ATP2B4: variants seen among roughly 807,000 people sequenced by gnomAD.
ATP2B4 encodes plasma membrane calcium-transporting ATPase 4.
In ATP2B4, 39 loss-of-function variants were observed where a neutral mutation model predicts 110.3. The observed-to-expected ratio is 0.35, with a 90% confidence interval of 0.27 to 0.46. The LOEUF (loss-of-function observed/expected upper bound fraction) is 0.46, where lower values mean the gene tolerates loss of function less well. Ranked by LOEUF, ATP2B4 falls within the 20% of genes least tolerant of loss-of-function variation. The pLI is 1.00. For synonymous variants in ATP2B4, 538 were observed against 571.7 expected (o/e 0.94, Z 0.84); for missense variants, 1,135 against 1,530.9 (o/e 0.74, Z 4.32).
At position 203,722,464 on chromosome 1, in the gene ATP2B4, C is replaced by T. The variant is rs1412209129; in HGVS notation, c.2813-14C>T. 1 of 1,595,022 alleles carries T rather than the reference C, an allele frequency of 6.3e-7. No individual in the cohort carries two copies. Among genetic ancestry groups the T allele is most frequent in the Non-Finnish European group, 8.6e-7 (1 of 1,162,672 alleles). The stretch of plus-strand genomic sequence containing the variant: ...ACCACACTTAACCTCCAGTGCTTCT[C>T]CTCTCCCCACTAGGTGAGAAATTCT... On this transcript the variant is annotated splice_polypyrimidine_tract_variant and intron_variant, in intron 17 of 20. Transcript: ENST00000357681.
At chr1:203,681,010 A>G (rs1664995409) in intron 1 of ATP2B4, among the ~76,000 whole-genome samples, 3 of 152,192 alleles carry the variant, frequency 2.0e-5, no homozygotes, top group Admixed American at 6.5e-5. Flanking sequence ...TTGGAGGAGA[A>G]GCTGAACTGG....
Position 203,701,179 on chromosome 1 carries a change from A to G in ATP2B4, c.901+256A>G, listed in dbSNP as rs1665681085. Among the ~76,000 whole-genome samples the G allele has an allele frequency of 2.0e-5, 3 of 151,812 alleles. No individual in the cohort carries two copies. The South Asian group carries it at 6.2e-4, about 32-fold the overall frequency. On this transcript the variant is annotated intron_variant, in intron 6 of 20. Coordinates refer to ENST00000357681, the MANE Select transcript of ATP2B4 (RefSeq NM_001684.5). ...ATTTTTATGTCTAATGGTAGCTTGT[A>G]AAGGGATGAGTTATAAAGCCTGCCC...
chr1:203,717,386 A>G (rs1338000015), intron 15 of ATP2B4, among the ~76,000 whole-genome samples: 1 of 151,854 alleles, frequency 6.6e-6, no homozygotes, highest in African/African-American at 2.4e-5. Context: ...GAATTCATAG[A>G]TTTAAGTATA....
chr1:203,647,694 G>A (rs1460667902), intron 1 of ATP2B4, among the ~76,000 whole-genome samples: 5 of 152,124 alleles, frequency 3.3e-5, no homozygotes, highest in Non-Finnish European at 7.3e-5. Flanking sequence ...AGGAGGTTGA[G>A]GCTGCAGAGA....
intron 1 of ATP2B4, among the ~76,000 whole-genome samples, chr1:203,659,953 G>T (rs1664282845): frequency 6.6e-6 from 1 of 152,020 alleles, no homozygotes; most frequent in Non-Finnish European, 1.5e-5. Context: ...GTGGTGGCAG[G>T]TGCCTGTAAT....
intron 15 of ATP2B4, among the ~76,000 whole-genome samples, chr1:203,716,684 T>A (rs536209360): frequency 6.9e-6 from 1 of 144,890 alleles, no homozygotes; most frequent in East Asian, 2.1e-4. Flanking sequence ...AGCAACTTAG[T>A]TTTGAAGGAA....
intron 1 of ATP2B4, among the ~76,000 whole-genome samples, chr1:203,675,465 C>T (rs1558028166): frequency 6.6e-6 from 1 of 152,110 alleles, no homozygotes; most frequent in African/African-American, 2.4e-5. Flanking sequence ...CCCCTCCAGG[C>T]CCTGGATGAG....
chr1:203,728,152 A>C (rs1429130166), intron 20 of ATP2B4: 2 of 463,886 alleles, frequency 4.3e-6, no homozygotes, highest in Admixed American at 4.9e-5. Flanking sequence ...ATGTCTGAGC[A>C]TCTTTTGCAG....
chr1:203,682,981 C>T lies in ATP2B4; in HGVS notation c.-225C>T. 2.1e-6 allele frequency: 1 copy of T among 475,526 alleles called. No homozygotes were observed. The highest frequency in any genetic ancestry group is 3.8e-6 in the Non-Finnish European group (1 of 265,710). The allele number at this position is 475,526 out of a possible 1,614,324, so 29.5% of individuals were successfully genotyped here. On this transcript the variant is annotated 5_prime_UTR_variant, in exon 2 of 21. Transcript: ENST00000357681. ...TCCACCTTCCACTCAGTTCCCCCAT[C>T]CTCTTCCTCCTCTCGCTGCCAGACT... is the stretch of plus-strand genomic sequence containing the variant.
At chr1:203,681,238 G>T (rs992491706) in intron 1 of ATP2B4, among the ~76,000 whole-genome samples, 1 of 152,220 alleles carries the variant, frequency 6.6e-6, no homozygotes, top group Non-Finnish European at 1.5e-5. Flanking sequence ...AATTGGGAGA[G>T]GGAGGAGTAT....
chr1:203,689,444 T>A (rs1412903869), intron 2 of ATP2B4, among the ~76,000 whole-genome samples: 1 of 152,176 alleles, frequency 6.6e-6, no homozygotes, highest in Admixed American at 6.5e-5. Context: ...CAGAACAGAA[T>A]GGGAAACAAG....
intron 1 of ATP2B4, among the ~76,000 whole-genome samples, chr1:203,677,174 G>A (rs1451561872): frequency 1.3e-5 from 2 of 152,150 alleles, no homozygotes; most frequent in Non-Finnish European, 2.9e-5. Flanking sequence ...CAATGAAACA[G>A]TGTATGTAAG....
At position 203,722,463 on chromosome 1, in the gene ATP2B4, T is replaced by TC; in HGVS notation, c.2813-13dup. The TC allele has an allele frequency of 6.3e-7, 1 of 1,592,992 alleles. No homozygotes were observed. Among genetic ancestry groups the TC allele is most frequent in the Non-Finnish European group, 8.6e-7 (1 of 1,160,804 alleles). Reference sequence around the variant, plus strand: ...GACCACACTTAACCTCCAGTGCTTCTCCTCTCCCCACTAGGTGAGAAATTC... The same window carrying TC: ...GACCACACTTAACCTCCAGTGCTTCTCCCTCTCCCCACTAGGTGAGAAATTC... On this transcript the variant is annotated splice_polypyrimidine_tract_variant and intron_variant, in intron 17 of 20. Transcript: ENST00000357681.
chr1:203,680,398 A>G (rs1415871801), intron 1 of ATP2B4, among the ~76,000 whole-genome samples: 5 of 152,284 alleles, frequency 3.3e-5, no homozygotes, highest in Admixed American at 2.6e-4. Flanking sequence ...TCACGAGGTC[A>G]GGAGACCAAG....
chr1:203,710,084 T>G (rs1665961893), intron 11 of ATP2B4, among the ~76,000 whole-genome samples: 1 of 152,072 alleles, frequency 6.6e-6, no homozygotes, highest in Admixed American at 6.6e-5. Flanking sequence ...AAGTGACTAT[T>G]CGGCCAGGCG....
In ATP2B4 at chr1:203,711,958, A is replaced by G; in HGVS notation, c.2032-2A>G. 6.2e-7 allele frequency: 1 copy of G among 1,613,964 alleles called. No homozygotes were observed. Among genetic ancestry groups the G allele is most frequent in the South Asian group, 1.1e-5 (1 of 91,064 alleles). On this transcript the variant is annotated splice_acceptor_variant, in intron 12 of 20. Coordinates refer to ENST00000357681, the MANE Select transcript of ATP2B4 (RefSeq NM_001684.5). LOFTEE classifies it high-confidence loss of function. ...CCTTTCCCCTTTCTTCACTCTCCAT[A>G]GGTGCCAGATGCTATTGCCAAATGC...
chr1:203,634,045 C>T (rs1016274398), intron 1 of ATP2B4, among the ~76,000 whole-genome samples: 102 of 151,776 alleles, frequency 6.7e-4, no homozygotes, highest in Admixed American at 4.5e-3. Flanking sequence ...AGTGAAACTC[C>T]GTCTCAAAAA....
intron 1 of ATP2B4, among the ~76,000 whole-genome samples, chr1:203,634,732 C>T (rs1457987570): frequency 1.3e-5 from 2 of 152,166 alleles, no homozygotes; most frequent in Admixed American, 1.3e-4. Context: ...GGCACAATCA[C>T]AACTCACAGC....
chr1:203,686,820 A>G (rs1665206783), intron 2 of ATP2B4, among the ~76,000 whole-genome samples: 1 of 146,616 alleles, frequency 6.8e-6, no homozygotes, highest in South Asian at 2.1e-4. Context: ...CAGACTCCCA[A>G]GTAGCTAGGA....
Sources: gnomAD v4.1 joint callset for allele counts (sites outside exome capture counted in the v4.1 genomes callset) on GRCh38, gnomAD v4.1.1 for gene constraint, MANE v1.5 for transcripts, NCBI Gene and HGNC (gene_info 2026-07-23, HGNC 2026-07-21) for gene names.